TRAF3: variants seen among roughly 807,000 people sequenced by gnomAD.
The protein encoded by TRAF3 is TNF receptor-associated factor 3.
Under a neutral mutation model 62.3 loss-of-function variants are expected in TRAF3, and 13 were observed. That is an observed-to-expected ratio of 0.21 (90% CI 0.14 to 0.33). The LOEUF (loss-of-function observed/expected upper bound fraction) is 0.33, where lower values mean the gene tolerates loss of function less well. TRAF3 is among the 10% of genes least tolerant of loss of function. The pLI, the probability that TRAF3 is intolerant of heterozygous loss-of-function variation, is 1.00. For synonymous variants in TRAF3, 269 were observed against 283.4 expected, an observed-to-expected ratio of 0.95 and a Z score of 0.51; for missense variants, 440 against 741.8, an observed-to-expected ratio of 0.59 and a Z score of 4.73.
At chr14:102,876,569 A>G in intron 6 of TRAF3, 44 bp downstream of exon 6, 4 of 1,605,158 alleles carry the variant, frequency 2.5e-6, no homozygotes, top group Non-Finnish European at 3.4e-6. Flanking sequence ...CAATTCCTAT[A>G]TGATACATTC....
In TRAF3 at chr14:102,884,287, G is replaced by A. The variant is rs145495610; in HGVS notation, c.571-1902G>A. The stretch of plus-strand genomic sequence containing the variant: ...GCATGTCCTCACCTCTTCTAAGGGT[G>A]GCAGTCTTTAGATTTAGGGTCTGCC... On this transcript the variant is annotated intron_variant, in intron 6 of 11. Transcript: ENST00000392745. Among the ~76,000 whole-genome samples, 260 of 152,262 alleles carry A rather than the reference G, an allele frequency of 1.7e-3. 1 individual carries two copies. Among genetic ancestry groups the A allele is most frequent in the African/African-American group, 6.1e-3 (255 of 41,546 alleles).
At chr14:102,807,039 TG>T (rs1379058740) in intron 1 of TRAF3, among the ~76,000 whole-genome samples, 1 of 152,186 alleles carries the variant, frequency 6.6e-6, no homozygotes, top group East Asian at 1.9e-4. Flanking sequence ...CCCACGTCCC[TG>T]GTCCCCAGCC....
intron 2 of TRAF3, among the ~76,000 whole-genome samples, chr14:102,841,051 G>A (rs377214633): frequency 3.3e-5 from 5 of 152,182 alleles, no homozygotes; most frequent in African/African-American, 1.2e-4. Context: ...GTGAATGGAC[G>A]TGGACGCATT....
At chr14:102,837,979 A>G (rs929481087) in intron 2 of TRAF3, among the ~76,000 whole-genome samples, 1 of 152,220 alleles carries the variant, frequency 6.6e-6, no homozygotes, top group East Asian at 1.9e-4. Flanking sequence ...ATCTGATTTA[A>G]CAGCATAACT....
At chr14:102,897,162 G>C (rs1414705498) in intron 9 of TRAF3, 99 bp from the exon 10 acceptor site, 2 of 1,099,454 alleles carry the variant, frequency 1.8e-6, no homozygotes, top group East Asian at 2.6e-5. Flanking sequence ...CTGTCAATAA[G>C]CTAACAGAAG....
intron 1 of TRAF3, among the ~76,000 whole-genome samples, chr14:102,782,728 C>T (rs1897318002): frequency 6.6e-6 from 1 of 151,452 alleles, no homozygotes; most frequent in Admixed American, 6.6e-5. Context: ...TAAATGGAGG[C>T]TATTTGGTGG....
intron 1 of TRAF3, among the ~76,000 whole-genome samples, chr14:102,778,349 A>AGCCC (rs1477904746): frequency 1.3e-5 from 2 of 152,026 alleles, no homozygotes; most frequent in Non-Finnish European, 2.9e-5. Flanking sequence ...GCCGCCAGCC[A>AGCCC]GCCCCGTGTG....
intron 2 of TRAF3, among the ~76,000 whole-genome samples, chr14:102,868,030 G>A (rs1888106088): frequency 6.6e-6 from 1 of 152,190 alleles, no homozygotes; most frequent in South Asian, 2.1e-4. Flanking sequence ...AGCAAGAACG[G>A]GGCTCGGAAG....
chr14:102,838,453 C>T (rs1886160083), intron 2 of TRAF3, among the ~76,000 whole-genome samples: 1 of 152,200 alleles, frequency 6.6e-6, no homozygotes, highest in Non-Finnish European at 1.5e-5. Flanking sequence ...CAGTTTAATT[C>T]AACAAACAAG....
chr14:102,824,054 G>T (rs370640053), intron 1 of TRAF3, among the ~76,000 whole-genome samples: 1 of 152,184 alleles, frequency 6.6e-6, no homozygotes, highest in African/African-American at 2.4e-5. Context: ...GTGTGATAGC[G>T]CTGCTGTGAA....
rs183947753 is a variant in TRAF3 at position 102,881,378 on chromosome 14, C to A, written c.571-4811C>A. ...CAGCCTGGGCGACAGAGCAAGACTC[C>A]GTCTCAACAACAAAAACAAAAAAAA... On this transcript the variant is annotated intron_variant, in intron 6 of 11. Transcript: ENST00000392745. Among the ~76,000 whole-genome samples the A allele has an allele frequency of 5.3e-3, 779 of 146,318 alleles. 9 individuals are homozygous for A. Among genetic ancestry groups the A allele is most frequent in the African/African-American group, 0.02 (765 of 38,232 alleles).
intron 1 of TRAF3, among the ~76,000 whole-genome samples, chr14:102,780,783 G>A (rs1359680260): frequency 1.3e-5 from 2 of 152,194 alleles, no homozygotes; most frequent in Non-Finnish European, 2.9e-5. Flanking sequence ...GCTGGGAAGA[G>A]TGAGACACAG....
At chr14:102,791,569 T>C (rs754616111) in intron 1 of TRAF3, among the ~76,000 whole-genome samples, 1 of 152,222 alleles carries the variant, frequency 6.6e-6, no homozygotes, top group African/African-American at 2.4e-5. Context: ...TTATTACCTC[T>C]AGTAGTTATT....
chr14:102,877,400 T>A (rs1347923155), intron 6 of TRAF3, among the ~76,000 whole-genome samples: 1 of 146,390 alleles, frequency 6.8e-6, no homozygotes, highest in Non-Finnish European at 1.5e-5. Flanking sequence ...GATAATCCGT[T>A]CCACAGGCCT....
At chr14:102,837,143 T>TG (rs201020363) in intron 2 of TRAF3, among the ~76,000 whole-genome samples, 2,768 of 118,846 alleles carry the variant, frequency 0.023, 37 homozygotes, top group Non-Finnish European at 0.026. Context: ...TGTGTGTGTG[T>TG]TTTTTTTGGG....
In TRAF3 at chr14:102,855,759, G is replaced by A. The variant is rs187345699; in HGVS notation, c.-17-14426G>A. On this transcript the variant is annotated intron_variant, in intron 2 of 11. Transcript: ENST00000392745. ...TGCAGTGAGCCAAGATCATGCCACCGCACTCCAGCTTGGGCTACAGAATGA... is the reference window on the plus strand; with the variant it reads ...TGCAGTGAGCCAAGATCATGCCACCACACTCCAGCTTGGGCTACAGAATGA... Among the ~76,000 whole-genome samples the A allele has an allele frequency of 6.0e-5, 9 of 148,870 alleles. No individual in the cohort carries two copies. In the East Asian group the frequency reaches 1.6e-3, roughly 27 times the overall value.
At chr14:102,904,533 G>A (rs907695042) in intron 11 of TRAF3, among the ~76,000 whole-genome samples, 1 of 152,108 alleles carries the variant, frequency 6.6e-6, no homozygotes, top group Middle Eastern at 3.2e-3. Context: ...AAATGAGGCC[G>A]GGTGCAGTGG....
intron 1 of TRAF3, among the ~76,000 whole-genome samples, chr14:102,799,750 A>G (rs1419185860): frequency 6.6e-6 from 1 of 152,176 alleles, no homozygotes; most frequent in Non-Finnish European, 1.5e-5. Flanking sequence ...CTCTTGGCCA[A>G]GCACTTCTTT....
Position 102,875,632 on chromosome 14 carries a change from G to C in TRAF3, c.306G>C (p.Lys102Asn), listed in dbSNP as rs1171232283. 6.2e-7 allele frequency: 1 copy of C among 1,613,078 alleles called. No individual in the cohort carries two copies. Among genetic ancestry groups the C allele is most frequent in the East Asian group, 2.2e-5 (1 of 44,858 alleles). The change falls in exon 5 of 12, where the codon AAG becomes AAC. Residue 102 changes from lysine to asparagine, a missense_variant. Transcript: ENST00000392745. ...QESIVKDKVF[K>N]DNCCKREILA... ...TGATCTTTCATTTTCAGGTGTTTAAGGATAATTGCTGCAAGAGAGAAATTC... is the reference window on the plus strand; with the variant it reads ...TGATCTTTCATTTTCAGGTGTTTAACGATAATTGCTGCAAGAGAGAAATTC...
Sources: gnomAD v4.1 joint callset for allele counts (sites outside exome capture counted in the v4.1 genomes callset) on GRCh38, gnomAD v4.1.1 for gene constraint, MANE v1.5 for transcripts, NCBI Gene and HGNC (gene_info 2026-07-23, HGNC 2026-07-21) for gene names.